The following CALN1 variants were observed in gnomAD, a reference collection of about 807,000 sequenced individuals.
CALN1 encodes calcium-binding protein 8.
Under a neutral mutation model 30.6 loss-of-function variants are expected in CALN1, and 17 were observed. The observed-to-expected ratio is 0.56, with a 90% CI of 0.38 to 0.83. The LOEUF (loss-of-function observed/expected upper bound fraction) is 0.83, where lower values mean the gene tolerates loss of function less well. Ranked by LOEUF, CALN1 falls within the 40% of genes least tolerant of loss-of-function variation. The pLI is 0.00. For synonymous variants in CALN1, 156 were observed against 131.4 expected, an observed-to-expected ratio of 1.19 and a Z score of -1.28; for missense variants, 291 against 354.9, an observed-to-expected ratio of 0.82 and a Z score of 1.45.
chr7:72,069,300 G>C (rs1327379299), intron 4 of CALN1, among the ~76,000 whole-genome samples: 4 of 152,176 alleles, frequency 2.6e-5, no homozygotes, highest in Non-Finnish European at 5.9e-5. Context: ...GTGTAATGAG[G>C]TGACATCTTG....
intron 5 of CALN1, among the ~76,000 whole-genome samples, chr7:71,855,058 T>C (rs1277105212): frequency 6.6e-6 from 1 of 152,214 alleles, no homozygotes; most frequent in African/African-American, 2.4e-5. Context: ...ATTTAGAACA[T>C]GCTTCATACT....
In CALN1 at chr7:72,079,761, C is replaced by CTTTTTTTTTT. The variant is rs3065015; in HGVS notation, c.388+26380_388+26389dup. On this transcript the variant is annotated intron_variant, in intron 4 of 6. Coordinates refer to ENST00000395275, the MANE Select transcript of CALN1 (RefSeq NM_031468.4). Reference sequence around the variant, plus strand: ...AAATGCCCAAGAGGTTGCCTTTTTCCTTTTTTTTTTTTTTTTTTTTTTTTT... The same window carrying CTTTTTTTTTT: ...AAATGCCCAAGAGGTTGCCTTTTTCCTTTTTTTTTTTTTTTTTTTTTTTTTTTTTTTTTTT... 5.4e-3 allele frequency among the ~76,000 whole-genome samples: 562 copies of CTTTTTTTTTT among 103,998 alleles called. 23 individuals carry two copies. The highest frequency in any genetic ancestry group is 0.015 in the South Asian group (44 of 2,882). 68.2% of individuals were successfully genotyped at this position (103,998 alleles called of 152,430 possible).
intron 2 of CALN1, among the ~76,000 whole-genome samples, chr7:72,395,246 A>G (rs1805844217): frequency 6.6e-6 from 1 of 152,174 alleles, no homozygotes; most frequent in South Asian, 2.1e-4. Context: ...TCAGTTATCT[A>G]TCATTTGCAT....
chr7:72,283,370 CA>C (rs1482033429), intron 2 of CALN1, among the ~76,000 whole-genome samples: 4 of 151,628 alleles, frequency 2.6e-5, no homozygotes, highest in African/African-American at 9.7e-5. Context: ...TCACACAGAC[CA>C]AAAAATAAAA....
At chr7:72,478,588 C>T in the CALN1 span, among the ~76,000 whole-genome samples, 1 of 151,468 alleles carries the variant, frequency 6.6e-6, no homozygotes, top group Non-Finnish European at 1.5e-5. Context: ...AAATATTCAT[C>T]CCAATGAGGA....
chr7:72,219,975 T>C (rs1793155121), intron 3 of CALN1, among the ~76,000 whole-genome samples: 1 of 151,942 alleles, frequency 6.6e-6, no homozygotes, highest in Non-Finnish European at 1.5e-5. Flanking sequence ...GTAGTCAAAG[T>C]AAAACAAAAC....
intron 5 of CALN1, among the ~76,000 whole-genome samples, chr7:71,883,329 G>A (rs1415956565): frequency 1.3e-5 from 2 of 152,086 alleles, no homozygotes; most frequent in Non-Finnish European, 2.9e-5. Flanking sequence ...TGGGAGGATC[G>A]CTTGAAGCCA....
upstream of CALN1, among the ~76,000 whole-genome samples, chr7:72,416,573 A>G (rs1275538460): frequency 2.0e-5 from 3 of 152,010 alleles, no homozygotes; most frequent in Non-Finnish European, 2.9e-5. Context: ...TGTCTCTACT[A>G]AAAATTCAAA....
intron 6 of CALN1, among the ~76,000 whole-genome samples, chr7:71,792,908 G>A (rs1786655951): frequency 6.6e-6 from 1 of 151,932 alleles, no homozygotes. Flanking sequence ...TCCCCCAGGA[G>A]AGCGGGGCTG....
At chr7:72,369,468 TCTC>T (rs1214431125) in intron 2 of CALN1, among the ~76,000 whole-genome samples, 14 of 151,652 alleles carry the variant, frequency 9.2e-5, no homozygotes, top group African/African-American at 3.2e-4. Flanking sequence ...TTCAAGCAAT[TCTC>T]CTGCCTCAGC....
At chr7:72,465,961 G>A in the CALN1 span, among the ~76,000 whole-genome samples, 1 of 152,148 alleles carries the variant, frequency 6.6e-6, no homozygotes, top group Non-Finnish European at 1.5e-5. Context: ...TCCTGGGCTT[G>A]GGAAAGGAGA....
the CALN1 span, among the ~76,000 whole-genome samples, chr7:72,479,123 G>A: frequency 7.9e-5 from 12 of 151,968 alleles, no homozygotes; most frequent in African/African-American, 1.9e-4. Context: ...CTCGTGATCC[G>A]CCCACCTCAA....
rs573029709 is a variant in CALN1, at chr7:72,141,770, T to C, written c.245-35476A>G. Among the ~76,000 whole-genome samples the C allele has an allele frequency of 8.5e-5, 13 of 152,270 alleles. No homozygotes were observed. In the South Asian group the frequency reaches 2.5e-3, roughly 29 times the overall value. On this transcript the variant is annotated intron_variant, in intron 3 of 6. Transcript: ENST00000395275. Reference sequence around the variant, plus strand: ...TTTTAGTAGAGACAGGGTTTCACCATGTTGGTCAGGCTGGTCTCCAACTCC... The same window carrying C: ...TTTTAGTAGAGACAGGGTTTCACCACGTTGGTCAGGCTGGTCTCCAACTCC...
chr7:71,946,848 G>GT (rs1337610628), intron 5 of CALN1, among the ~76,000 whole-genome samples: 1 of 151,232 alleles, frequency 6.6e-6, no homozygotes, highest in Non-Finnish European at 1.5e-5. Context: ...GGAAACTGCT[G>GT]TTTTTCAGTC....
At chr7:72,084,974 C>T (rs1413198260) in intron 4 of CALN1, among the ~76,000 whole-genome samples, 1 of 152,162 alleles carries the variant, frequency 6.6e-6, no homozygotes, top group Non-Finnish European at 1.5e-5. Context: ...CTCCTTTGTC[C>T]AGCATATCCA....
intron 2 of CALN1, among the ~76,000 whole-genome samples, chr7:72,399,250 C>T (rs1241805625): frequency 1.4e-5 from 2 of 142,294 alleles, no homozygotes; most frequent in Non-Finnish European, 3.0e-5. Context: ...AGTCCCCAGC[C>T]GGTTTTGTCT....
intron 5 of CALN1, among the ~76,000 whole-genome samples, chr7:71,836,806 T>C (rs943180708): frequency 4.0e-5 from 6 of 151,608 alleles, no homozygotes; most frequent in South Asian, 2.1e-4. Flanking sequence ...TTAGTAGAGA[T>C]GGGGTTTCAC....
intron 5 of CALN1, among the ~76,000 whole-genome samples, chr7:71,824,928 C>T (rs1029634244): frequency 1.3e-5 from 2 of 152,166 alleles, no homozygotes; most frequent in African/African-American, 4.8e-5. Context: ...TGAGTGATCT[C>T]ACCCATTTAT....
At chr7:71,791,861 A>G (rs1281472132) in intron 6 of CALN1, among the ~76,000 whole-genome samples, 3 of 152,176 alleles carry the variant, frequency 2.0e-5, no homozygotes, top group African/African-American at 7.2e-5. Context: ...ATAGAAAAAA[A>G]TTAGCCGGGC....
Sources: gnomAD v4.1 joint callset for allele counts (sites outside exome capture counted in the v4.1 genomes callset) on GRCh38, gnomAD v4.1.1 for gene constraint, MANE v1.5 for transcripts, NCBI Gene and HGNC (gene_info 2026-07-23, HGNC 2026-07-21) for gene names.